The following SEMA5A variants were observed in gnomAD, a reference collection of about 807,000 sequenced individuals.
The protein encoded by SEMA5A is semaphorin 5A.
In SEMA5A, 55 loss-of-function variants were observed where a neutral mutation model predicts 135.5. That is an observed-to-expected ratio of 0.41 (90% CI 0.33 to 0.51). SEMA5A has a LOEUF of 0.51. Ranked by LOEUF, SEMA5A falls within the 20% of genes least tolerant of loss-of-function variation. The pLI is 0.37. For synonymous variants in SEMA5A, 580 were observed against 546.5 expected, an observed-to-expected ratio of 1.06 and a Z score of -0.85; for missense variants, 1,290 against 1,419.9, an observed-to-expected ratio of 0.91 and a Z score of 1.47.
chr5:9,190,532 T>C, intron 10 of SEMA5A, 61 bp from the exon 11 acceptor site: 1 of 1,523,688 alleles, frequency 6.6e-7, no homozygotes, highest in Non-Finnish European at 9.0e-7. Flanking sequence ...CAGCTGGCTG[T>C]GGCCACCCTA....
chr5:9,530,173 G>A (rs997650706), intron 1 of SEMA5A, among the ~76,000 whole-genome samples: 3 of 152,226 alleles, frequency 2.0e-5, no homozygotes, highest in Middle Eastern at 3.4e-3. Context: ...CCACAGATAC[G>A]TTCCACAAGC....
intron 4 of SEMA5A, among the ~76,000 whole-genome samples, chr5:9,326,711 G>A (rs1005070078): frequency 6.6e-6 from 1 of 152,156 alleles, no homozygotes; most frequent in Non-Finnish European, 1.5e-5. Context: ...AATGTGCAAG[G>A]TGGAGGTTGC....
intron 5 of SEMA5A, among the ~76,000 whole-genome samples, chr5:9,263,835 T>C (rs917346124): frequency 6.6e-6 from 1 of 152,214 alleles, no homozygotes; most frequent in African/African-American, 2.4e-5. Flanking sequence ...CCTGTGTCTC[T>C]TGGGTATTTC....
chr5:9,286,213 A>G (rs1046592242), intron 5 of SEMA5A, among the ~76,000 whole-genome samples: 8 of 152,190 alleles, frequency 5.3e-5, no homozygotes, highest in African/African-American at 7.2e-5. Flanking sequence ...TATAATAAAA[A>G]GAAACACCCG....
chr5:9,101,763 A>G (rs543606221), intron 16 of SEMA5A, among the ~76,000 whole-genome samples: 139 of 152,212 alleles, frequency 9.1e-4, no homozygotes, highest in Non-Finnish European at 1.8e-3. Flanking sequence ...GGTCTGCATT[A>G]GTACCCTATT....
intron 8 of SEMA5A, among the ~76,000 whole-genome samples, chr5:9,207,135 A>ATATATATATATATAG (rs1579614392): frequency 1.9e-5 from 1 of 51,746 alleles, no homozygotes; most frequent in Non-Finnish European, 4.4e-5. Context: ...TATATATATA[A>ATATATATATATATAG]AGCTTAAAGG....
intron 19 of SEMA5A, 44 bp downstream of exon 19, chr5:9,054,043 G>A (rs1314311806): frequency 4.5e-6 from 7 of 1,556,350 alleles, no homozygotes; most frequent in South Asian, 2.4e-5. Flanking sequence ...AAGGAAAGAG[G>A]CCAATTTGTC....
intron 11 of SEMA5A, among the ~76,000 whole-genome samples, chr5:9,185,105 G>A (rs765897447): frequency 2.6e-5 from 4 of 152,102 alleles, no homozygotes; most frequent in Non-Finnish European, 5.9e-5. Context: ...TTTTAAAAAT[G>A]TTTGTAGATG....
intron 5 of SEMA5A, among the ~76,000 whole-genome samples, chr5:9,277,093 A>G (rs1047581157): frequency 1.8e-4 from 27 of 152,350 alleles, no homozygotes; most frequent in African/African-American, 6.3e-4. Context: ...CAGAATCTAC[A>G]AAGAACTCAA....
intron 1 of SEMA5A, chr5:9,511,458 T>C (rs1444635913): frequency 6.6e-6 from 1 of 152,196 alleles, no homozygotes; most frequent in Non-Finnish European, 1.5e-5. Flanking sequence ...ATTTGGGCAG[T>C]ATCATTTCAT....
At chr5:9,380,808 A>G (rs1259781952) in intron 2 of SEMA5A, among the ~76,000 whole-genome samples, 1 of 152,202 alleles carries the variant, frequency 6.6e-6, no homozygotes, top group Non-Finnish European at 1.5e-5. Context: ...GTGCTGTGGG[A>G]GTCAAGGGAG....
intron 1 of SEMA5A, among the ~76,000 whole-genome samples, chr5:9,537,050 G>C (rs1033314599): frequency 2.0e-5 from 3 of 151,858 alleles, no homozygotes; most frequent in Admixed American, 2.0e-4. Flanking sequence ...GCTAACATTT[G>C]GATGCTTTTC....
rs13179172 is a variant in SEMA5A, at chr5:9,540,312, G to T, written c.-175+5272C>A. On this transcript the variant is annotated intron_variant, in intron 1 of 22. Transcript: ENST00000382496. Reference sequence around the variant, plus strand: ...TGCAAAATGATATGGAGAGAAGGCCGGGCGCGGTGGCTCACGCCTGTAATC... The same window carrying T: ...TGCAAAATGATATGGAGAGAAGGCCTGGCGCGGTGGCTCACGCCTGTAATC... Among the ~76,000 whole-genome samples the T allele has an allele frequency of 3.3e-5, 5 of 152,090 alleles. No homozygotes were observed. In the South Asian group the frequency reaches 1.0e-3, roughly 32 times the overall value.
intron 13 of SEMA5A, among the ~76,000 whole-genome samples, chr5:9,126,427 G>C (rs1240397603): frequency 1.3e-5 from 2 of 152,098 alleles, no homozygotes; most frequent in Non-Finnish European, 2.9e-5. Context: ...GAGGGAGACT[G>C]TTTGAGAGGC....
chr5:9,167,096 G>T (rs888890509), intron 11 of SEMA5A, among the ~76,000 whole-genome samples: 3 of 151,560 alleles, frequency 2.0e-5, no homozygotes, highest in Non-Finnish European at 2.9e-5. Context: ...TAATTCTAAA[G>T]GAAAAAAAGA....
intron 8 of SEMA5A, among the ~76,000 whole-genome samples, chr5:9,212,743 T>C (rs1055561413): frequency 6.6e-6 from 1 of 152,210 alleles, no homozygotes; most frequent in Non-Finnish European, 1.5e-5. Flanking sequence ...ATTCAACAAA[T>C]ATGGATTAAT....
intron 6 of SEMA5A, among the ~76,000 whole-genome samples, chr5:9,227,937 G>A (rs1478629421): frequency 6.6e-6 from 1 of 152,230 alleles, no homozygotes; most frequent in Admixed American, 6.5e-5. Context: ...CAAAACCCTA[G>A]GCTGAGGGAT....
intron 4 of SEMA5A, among the ~76,000 whole-genome samples, chr5:9,325,331 T>C (rs1383049168): frequency 6.6e-6 from 1 of 152,094 alleles, no homozygotes; most frequent in African/African-American, 2.4e-5. Flanking sequence ...TAATAACATA[T>C]GAGGAGTACA....
chr5:9,067,829 T>G (rs1737558990), intron 16 of SEMA5A, among the ~76,000 whole-genome samples: 2 of 152,178 alleles, frequency 1.3e-5, no homozygotes, highest in African/African-American at 4.8e-5. Context: ...GTTTCTCATC[T>G]TTTATCTCAT....
Sources: gnomAD v4.1 joint callset for allele counts (sites outside exome capture counted in the v4.1 genomes callset) on GRCh38, gnomAD v4.1.1 for gene constraint, MANE v1.5 for transcripts, NCBI Gene and HGNC (gene_info 2026-07-23, HGNC 2026-07-21) for gene names.